Variants in CDH4 observed in about 807,000 individuals in gnomAD.
CDH4 encodes cadherin-4.
In CDH4, 33 loss-of-function variants were observed where a neutral mutation model predicts 86.0. The ratio of observed to expected loss-of-function variants is 0.38; its 90% CI spans 0.29 to 0.51. CDH4 has a LOEUF of 0.51. Among genes scored for constraint, CDH4 ranks in the 20% least tolerant of loss-of-function variants. The pLI is 0.86. For missense variants in CDH4, 1,114 were observed against 1,307.4 expected, an observed-to-expected ratio of 0.85 and a Z score of 2.28; for synonymous variants, 555 against 549.4, an observed-to-expected ratio of 1.01 and a Z score of -0.14.
chr20:61,878,728 G>A (rs753613859), intron 7 of CDH4, among the ~76,000 whole-genome samples: 3 of 152,354 alleles, frequency 2.0e-5, no homozygotes, highest in South Asian at 4.1e-4. Context: ...CGGAGGAGAC[G>A]CAGGGCCCTG....
chr20:61,411,511 C>T (rs537473772), intron 2 of CDH4, among the ~76,000 whole-genome samples: 32 of 152,016 alleles, frequency 2.1e-4, no homozygotes, highest in African/African-American at 6.3e-4. Context: ...AGGGTCAAAA[C>T]GGCCCAGCTT....
intron 2 of CDH4, among the ~76,000 whole-genome samples, chr20:61,316,986 A>G (rs1229071132): frequency 4.0e-5 from 6 of 151,206 alleles, no homozygotes; most frequent in Admixed American, 3.9e-4. Flanking sequence ...CAGTGGAGTG[A>G]TAAGTCTTGC....
At chr20:61,490,345 T>C (rs2085619075) in intron 2 of CDH4, among the ~76,000 whole-genome samples, 1 of 152,106 alleles carries the variant, frequency 6.6e-6, no homozygotes, top group South Asian at 2.1e-4. Flanking sequence ...GGGGCCTGGC[T>C]CAGCAGTGCA....
chr20:61,910,125 C>T (rs1358955671), intron 8 of CDH4, among the ~76,000 whole-genome samples: 2 of 152,242 alleles, frequency 1.3e-5, no homozygotes, highest in Non-Finnish European at 2.9e-5. Context: ...TTTGTGAACA[C>T]TCGTTGAGCT....
intron 7 of CDH4, among the ~76,000 whole-genome samples, chr20:61,883,596 C>T (rs1055289488): frequency 5.3e-5 from 8 of 152,248 alleles, no homozygotes; most frequent in Admixed American, 3.9e-4. Flanking sequence ...GCCACTGGAA[C>T]TTATGGCTCA....
chr20:61,836,713 A>G (rs531122855), intron 4 of CDH4, among the ~76,000 whole-genome samples: 37 of 152,358 alleles, frequency 2.4e-4, no homozygotes, highest in African/African-American at 7.5e-4. Context: ...CATTTGTCCA[A>G]TTAATTTTAT....
At chr20:61,878,534 C>T (rs1025314259) in intron 7 of CDH4, among the ~76,000 whole-genome samples, 3 of 152,260 alleles carry the variant, frequency 2.0e-5, no homozygotes, top group Non-Finnish European at 4.4e-5. Flanking sequence ...GCCTCCAGCA[C>T]GCAGCAGCCA....
At chr20:61,590,876 T>TGTG (rs535456574) in intron 2 of CDH4, among the ~76,000 whole-genome samples, 4 of 137,594 alleles carry the variant, frequency 2.9e-5, no homozygotes, top group South Asian at 4.9e-4. Flanking sequence ...CCTAAATCTA[T>TGTG]GGGGGGGGGG....
At chr20:61,317,160 C>T (rs750590820) in intron 2 of CDH4, among the ~76,000 whole-genome samples, 2 of 152,154 alleles carry the variant, frequency 1.3e-5, no homozygotes, top group East Asian at 1.9e-4. Flanking sequence ...GGGTGGATCA[C>T]GAGGTGAGGA....
chr20:61,914,700 T>A (rs898502231), intron 9 of CDH4, among the ~76,000 whole-genome samples: 2 of 152,086 alleles, frequency 1.3e-5, no homozygotes, highest in Non-Finnish European at 2.9e-5. Context: ...ACTAGAAAGG[T>A]GCTGCCACTC....
At chr20:61,282,219 C>T (rs374029103) in intron 2 of CDH4, among the ~76,000 whole-genome samples, 52 of 152,136 alleles carry the variant, frequency 3.4e-4, no homozygotes, top group African/African-American at 6.7e-4. Context: ...ATTATCCAGG[C>T]GTGATGGTGT....
At chr20:61,272,858 G>C (rs1248666977) in intron 2 of CDH4, among the ~76,000 whole-genome samples, 6 of 148,674 alleles carry the variant, frequency 4.0e-5, no homozygotes, top group African/African-American at 1.0e-4. Context: ...TACGCAGTTT[G>C]GGAGAGTACC....
At chr20:61,364,144 G>A (rs138903315) in intron 2 of CDH4, among the ~76,000 whole-genome samples, 43 of 152,280 alleles carry the variant, frequency 2.8e-4, no homozygotes, top group African/African-American at 8.4e-4. Context: ...GCAGATCCCC[G>A]ATTCCAGCTG....
rs1349363634 is a variant in CDH4 at position 61,895,067 on chromosome 20, C to G, written c.1188+20C>G. On this transcript the variant is annotated intron_variant, in intron 8 of 15. Transcript: ENST00000614565. ...AGCACGGTGAGTCCCTCGAAGCTGC[C>G]CAGTGACGCATGGCCCGTGCAGGGC... 6.2e-7 allele frequency: 1 copy of G among 1,611,926 alleles called. No individual in the cohort carries two copies. The highest frequency in any genetic ancestry group is 1.3e-5 in the African/African-American group (1 of 75,068).
At chr20:61,387,648 C>G (rs915218315) in intron 2 of CDH4, among the ~76,000 whole-genome samples, 1 of 152,204 alleles carries the variant, frequency 6.6e-6, no homozygotes, top group Non-Finnish European at 1.5e-5. Context: ...AAACACATCC[C>G]GATGTCCTGT....
chr20:61,551,603 C>T (rs972973234), intron 2 of CDH4, among the ~76,000 whole-genome samples: 2 of 152,214 alleles, frequency 1.3e-5, no homozygotes, highest in Admixed American at 1.3e-4. Flanking sequence ...CCCCACCTAA[C>T]CTTATGCTTG....
intron 2 of CDH4, among the ~76,000 whole-genome samples, chr20:61,314,864 A>G (rs796925545): frequency 6.6e-6 from 1 of 152,168 alleles, no homozygotes; most frequent in African/African-American, 2.4e-5. Context: ...TTGAATTTGC[A>G]TTTCCCTGGT....
chr20:61,665,589 G>T (rs57868457), intron 2 of CDH4, among the ~76,000 whole-genome samples: 2 of 152,154 alleles, frequency 1.3e-5, no homozygotes, highest in East Asian at 3.9e-4. Flanking sequence ...TGAAGCTCAC[G>T]TCCCAGGCGG....
chr20:61,736,180 C>T (rs972832336), intron 2 of CDH4, among the ~76,000 whole-genome samples: 2 of 152,176 alleles, frequency 1.3e-5, no homozygotes, highest in African/African-American at 2.4e-5. Flanking sequence ...TAGGTTATCT[C>T]GCTGGCCGAG....
Sources: allele counts gnomAD v4.1 joint callset (sites outside exome capture counted in the v4.1 genomes callset), GRCh38; gene constraint gnomAD v4.1.1; transcripts MANE v1.5; gene names NCBI Gene and HGNC (gene_info 2026-07-23, HGNC 2026-07-21).